MPP7: variants seen among roughly 807,000 people sequenced by gnomAD.
The protein encoded by MPP7 is MAGUK p55 subfamily member 7.
A neutral mutation model predicts 76.5 loss-of-function variants in MPP7; 60 were observed. That is an observed-to-expected ratio of 0.78 (90% CI 0.64 to 0.97). The LOEUF is 0.97. Among genes scored for constraint, MPP7 ranks in the 50% least tolerant of loss-of-function variants. The probability of loss-of-function intolerance (pLI) is 0.00; values close to 1 mark genes in which losing one functional copy is unlikely to be tolerated. For missense variants in MPP7, 641 were observed against 694.0 expected (o/e 0.92, Z 0.86); for synonymous variants, 237 against 244.5 (o/e 0.97, Z 0.29).
intron 2 of MPP7, among the ~76,000 whole-genome samples, chr10:28,221,923 T>C (rs1273686325): frequency 6.6e-6 from 1 of 152,176 alleles, no homozygotes; most frequent in Non-Finnish European, 1.5e-5. Context: ...GCTATTTAAT[T>C]TCATCTTAAC....
At chr10:28,166,329 T>C (rs1836455922) in intron 3 of MPP7, among the ~76,000 whole-genome samples, 1 of 151,704 alleles carries the variant, frequency 6.6e-6, no homozygotes. Context: ...TAACCCTGTG[T>C]GCCCCTTTCC....
intron 2 of MPP7, among the ~76,000 whole-genome samples, chr10:28,311,033 C>T (rs1841286915): frequency 6.6e-6 from 1 of 152,026 alleles, no homozygotes; most frequent in Non-Finnish European, 1.5e-5. Flanking sequence ...CTATGGGATC[C>T]CCAGTGGCTT....
intron 1 of MPP7, among the ~76,000 whole-genome samples, chr10:28,256,332 A>G (rs1002398798): frequency 3.0e-4 from 45 of 149,786 alleles, no homozygotes; most frequent in Admixed American, 9.9e-4. Flanking sequence ...TCAGGGAAAA[A>G]AAAAAAAAAA....
chr10:28,134,941 T>C lies in MPP7; in HGVS notation c.316-3250A>G, dbSNP rs558614195. On this transcript the variant is annotated intron_variant, in intron 5 of 16. Transcript: ENST00000683449. The stretch of plus-strand genomic sequence containing the variant: ...GAATTGTGTACCCAGCAAAAGTATC[T>C]TTCAAGAATAAAGATGAGGACCAAG... Among the ~76,000 whole-genome samples, 33 of 152,142 alleles carry C rather than the reference T, an allele frequency of 2.2e-4. No homozygotes were observed. The South Asian group carries it at 5.4e-3, about 25-fold the overall frequency.
At chr10:28,110,641 C>T (rs1834477572) in intron 11 of MPP7, among the ~76,000 whole-genome samples, 1 of 152,064 alleles carries the variant, frequency 6.6e-6, no homozygotes, top group South Asian at 2.1e-4. Context: ...AAGCAATGTG[C>T]TAGTATTTTT....
At chr10:28,104,653 G>A (rs1159874635) in intron 11 of MPP7, among the ~76,000 whole-genome samples, 1 of 152,140 alleles carries the variant, frequency 6.6e-6, no homozygotes, top group African/African-American at 2.4e-5. Context: ...CAAATCTTTG[G>A]TCATTAGTTG....
intron 1 of MPP7, among the ~76,000 whole-genome samples, chr10:28,255,745 G>C (rs1302509885): frequency 6.6e-6 from 1 of 152,144 alleles, no homozygotes; most frequent in Non-Finnish European, 1.5e-5. Context: ...CTGAAATATA[G>C]TTTCCTAGTC....
At chr10:28,248,424 A>C (rs73608080) in intron 1 of MPP7, among the ~76,000 whole-genome samples, 1 of 152,102 alleles carries the variant, frequency 6.6e-6, no homozygotes, top group East Asian at 1.9e-4. Flanking sequence ...GGCTTTGTGC[A>C]CTCCGACGCG....
intron 11 of MPP7, among the ~76,000 whole-genome samples, chr10:28,098,889 A>G (rs1343739434): frequency 2.0e-5 from 3 of 152,114 alleles, no homozygotes; most frequent in South Asian, 2.1e-4. Flanking sequence ...AGAGAGAACC[A>G]GAAGTCTCAC....
chr10:28,231,009 C>T (rs1388588241), intron 2 of MPP7, among the ~76,000 whole-genome samples: 2 of 151,912 alleles, frequency 1.3e-5, no homozygotes, highest in African/African-American at 4.8e-5. Flanking sequence ...ATATAGAAAA[C>T]TACAGTCAAT....
chr10:28,269,384 G>A (rs940070403), intron 1 of MPP7, among the ~76,000 whole-genome samples: 31 of 152,268 alleles, frequency 2.0e-4, no homozygotes, highest in African/African-American at 7.5e-4. Flanking sequence ...CATAAATTGG[G>A]TAGTGATTAT....
chr10:28,175,173 C>T (rs1357241989), intron 3 of MPP7, among the ~76,000 whole-genome samples: 2 of 152,060 alleles, frequency 1.3e-5, no homozygotes, highest in Non-Finnish European at 2.9e-5. Flanking sequence ...ACCTATAGTC[C>T]CAGCTACCTG....
Position 28,238,721 on chromosome 10 carries a change from T to A in MPP7, c.-117A>T. On this transcript the variant is annotated 5_prime_UTR_variant, in exon 2 of 17. Transcript: ENST00000683449. ...CACGTTGTCTACCAAGATCTGTATA[T>A]TTTGTAAGCCGTTTCTAGAAAGGAA... is the stretch of plus-strand genomic sequence containing the variant. The A allele has an allele frequency of 1.0e-6, 1 of 966,780 alleles. No individual in the cohort carries two copies. Among genetic ancestry groups the A allele is most frequent in the Non-Finnish European group, 1.6e-6 (1 of 622,322 alleles). 59.9% of individuals were successfully genotyped at this position (966,780 alleles called of 1,614,324 possible). A position where few individuals can be genotyped will look rare whatever the true frequency, so the allele number is the denominator to read the frequency against.
chr10:28,293,145 TAC>T (rs1336403747), intron 1 of MPP7, among the ~76,000 whole-genome samples: 1 of 150,218 alleles, frequency 6.7e-6, no homozygotes, highest in African/African-American at 2.4e-5. Context: ...AAGATGCGTA[TAC>T]CATTTAAAAT....
chr10:28,071,932 G>A (rs1852259054), intron 12 of MPP7, among the ~76,000 whole-genome samples: 1 of 152,126 alleles, frequency 6.6e-6, no homozygotes, highest in African/African-American at 2.4e-5. Flanking sequence ...AGCATGTCAA[G>A]GCTATCGAAG....
chr10:28,178,014 A>AT (rs1407179982), intron 3 of MPP7, among the ~76,000 whole-genome samples: 1 of 152,076 alleles, frequency 6.6e-6, no homozygotes, highest in East Asian at 1.9e-4. Context: ...TTATTCTGGG[A>AT]TTTGCAATCT....
intron 5 of MPP7, among the ~76,000 whole-genome samples, chr10:28,144,875 C>T (rs1483145502): frequency 6.6e-6 from 1 of 152,078 alleles, no homozygotes; most frequent in Non-Finnish European, 1.5e-5. Context: ...ATCCATAGGG[C>T]CTGGCACACA....
Position 28,332,243 on chromosome 10 carries a change from A to ATG in MPP7, c.-206+2173_-206+2174dup, listed in dbSNP as rs775712498. On this transcript the variant is annotated intron_variant, in intron 1 of 11. Coordinates refer to the MPP7 transcript ENST00000441595. The stretch of plus-strand genomic sequence containing the variant: ...CGTACATTGCCAGTTTGTCAAATGT[A>ATG]TGCGTGTGTGTGTGTGTGTGTGTGT... Among the ~76,000 whole-genome samples, 665 of 102,038 alleles carry ATG rather than the reference A, an allele frequency of 6.5e-3. 3 individuals carry two copies. Among genetic ancestry groups the ATG allele is most frequent in the Middle Eastern group, 0.014 (3 of 210 alleles). The allele number at this position is 102,038 out of a possible 152,430, so 66.9% of individuals were successfully genotyped here.
rs1415393459 is a variant in MPP7, at chr10:28,053,662, T to C, written c.*403A>G. 1.1e-5 allele frequency: 2 copies of C among 176,298 alleles called. No individual in the cohort carries two copies. The highest frequency in any genetic ancestry group is 3.6e-4 in the East Asian group (2 of 5,582). The allele number at this position is 176,298 out of a possible 1,614,324, so 10.9% of individuals were successfully genotyped here. On this transcript the variant is annotated 3_prime_UTR_variant, in exon 17 of 17. Transcript: ENST00000683449. Reference sequence around the variant, plus strand: ...TCACCTGTCTGTCTGGAGCTGCTCATGGCTGCTGAATTGATACCTTCAACA... The same window carrying C: ...TCACCTGTCTGTCTGGAGCTGCTCACGGCTGCTGAATTGATACCTTCAACA...
Sources: allele counts gnomAD v4.1 joint callset (sites outside exome capture counted in the v4.1 genomes callset), GRCh38; gene constraint gnomAD v4.1.1; transcripts MANE v1.5; gene names NCBI Gene and HGNC (gene_info 2026-07-23, HGNC 2026-07-21).